QTRT2: variants seen among roughly 807,000 people sequenced by gnomAD.
QTRT2 encodes queuine tRNA-ribosyltransferase domain containing 1.
QTRT2 carries 32 observed loss-of-function variants against 44.8 expected under a neutral mutation model. The ratio of observed to expected loss-of-function variants is 0.71; its 90% CI spans 0.54 to 0.96. The LOEUF is 0.96. Ranked by LOEUF, QTRT2 falls within the 40% of genes least tolerant of loss-of-function variation. The probability of loss-of-function intolerance (pLI) is 0.00; values close to 1 mark genes in which losing one functional copy is unlikely to be tolerated. For synonymous variants in QTRT2, 182 were observed against 187.4 expected, an observed-to-expected ratio of 0.97 and a Z score of 0.24; for missense variants, 461 against 503.1, an observed-to-expected ratio of 0.92 and a Z score of 0.80.
intron 6 of QTRT2, 123 bp downstream of exon 6, chr3:114,070,961 C>T: frequency 2.8e-6 from 2 of 707,208 alleles, no homozygotes; most frequent in East Asian, 2.7e-5. Flanking sequence ...CTATTTTACT[C>T]TCTATTTTTA....
At chr3:114,071,376 G>A (rs1045192890) in intron 6 of QTRT2, among the ~76,000 whole-genome samples, 2 of 152,110 alleles carry the variant, frequency 1.3e-5, no homozygotes, top group Non-Finnish European at 2.9e-5. Context: ...TCAGCTCGCT[G>A]TAACCTCTGC....
At chr3:114,076,251 T>C (rs2077088857) in intron 6 of QTRT2, among the ~76,000 whole-genome samples, 1 of 152,124 alleles carries the variant, frequency 6.6e-6, no homozygotes, top group Admixed American at 6.5e-5. Flanking sequence ...ACTGCAACCT[T>C]CGCCTCCCGG....
At chr3:114,079,772 A>C (rs1398648804) in intron 7 of QTRT2, 134 bp from the exon 8 acceptor site, 2 of 769,524 alleles carry the variant, frequency 2.6e-6, no homozygotes, top group Non-Finnish European at 4.2e-6. Flanking sequence ...GTTGCTGTCC[A>C]CTGCCTGCCA....
intron 6 of QTRT2, 76 bp downstream of exon 6, chr3:114,070,914 G>A: frequency 8.8e-7 from 1 of 1,141,716 alleles, no homozygotes; most frequent in Non-Finnish European, 1.3e-6. Context: ...CACCTTTTCT[G>A]TTCTTCCTCC....
rs562982730 is a variant in QTRT2 at position 114,074,980 on chromosome 3, T to C, written c.547-1763T>C. Among the ~76,000 whole-genome samples the C allele has an allele frequency of 8.5e-5, 13 of 152,362 alleles. No individual in the cohort carries two copies. The South Asian group carries it at 2.5e-3, about 29-fold the overall frequency. ...TCTATGGATAAACATTTAGGTTGTT[T>C]CCAGTTTTTCATTATTCTAAACATC... is the stretch of plus-strand genomic sequence containing the variant. On this transcript the variant is annotated intron_variant, in intron 6 of 9. Coordinates refer to ENST00000281273, the MANE Select transcript of QTRT2 (RefSeq NM_024638.4).
At chr3:114,075,504 ATTTT>A (rs34436490) in intron 6 of QTRT2, among the ~76,000 whole-genome samples, 3 of 118,754 alleles carry the variant, frequency 2.5e-5, no homozygotes, top group Admixed American at 8.4e-5. Flanking sequence ...AGTTTTACTG[ATTTT>A]TTTTTTTTTT....
At chr3:114,083,671 A>G (rs2077197584) in intron 9 of QTRT2, among the ~76,000 whole-genome samples, 1 of 152,108 alleles carries the variant, frequency 6.6e-6, no homozygotes, top group African/African-American at 2.4e-5. Context: ...ATGTCTATCT[A>G]GTGATAGTAC....
intron 4 of QTRT2, among the ~76,000 whole-genome samples, chr3:114,067,400 C>T (rs1291893601): frequency 6.6e-6 from 1 of 152,036 alleles, no homozygotes; most frequent in African/African-American, 2.4e-5. Context: ...TATTTAGGCA[C>T]ATGGTTTACT....
Position 114,076,834 on chromosome 3 carries a change from C to A in QTRT2, c.638C>A (p.Pro213His). The change falls in exon 7 of 10, where the codon CCT becomes CAT. Residue 213 changes from proline (P) to histidine (H), a missense_variant. Physicochemically the swap from Pro to His is moderately conservative, Grantham distance 77 (BLOSUM62 -2). Transcript: ENST00000281273. ...LRSARETAKR[P>H]VGGFLLDGFQ... ...TCAGCACGAGAGACAGCCAAGCGGC[C>A]TGTGGGTGGCTTCCTTCTGGATGGT... The A allele has an allele frequency of 1.2e-6, 2 of 1,614,168 alleles. No individual in the cohort carries two copies. Among genetic ancestry groups the A allele is most frequent in the Non-Finnish European group, 1.7e-6 (2 of 1,180,020 alleles).
chr3:114,061,159 C>G (rs955367192), intron 2 of QTRT2, among the ~76,000 whole-genome samples: 2 of 152,032 alleles, frequency 1.3e-5, no homozygotes. Context: ...CTTTTAGTTG[C>G]CTTTATGTAC....
In QTRT2 at chr3:114,076,945, C is replaced by G; in HGVS notation, c.746+3C>G. 6.2e-7 allele frequency: 1 copy of G among 1,613,794 alleles called. No homozygotes were observed. The highest frequency in any genetic ancestry group is 8.5e-7 in the Non-Finnish European group (1 of 1,179,862). ...GAGCTGCCGGAGGACAAGCCAAGGCCAGTGTTCGGTTAGGACACAGGCTGG... is the reference window on the plus strand; with the variant it reads ...GAGCTGCCGGAGGACAAGCCAAGGCGAGTGTTCGGTTAGGACACAGGCTGG... On this transcript the variant is annotated splice_donor_region_variant and intron_variant, in intron 7 of 9. Transcript: ENST00000281273.
chr3:114,058,863 T>C (rs1176007564), intron 2 of QTRT2, among the ~76,000 whole-genome samples: 1 of 152,198 alleles, frequency 6.6e-6, no homozygotes, highest in East Asian at 1.9e-4. Flanking sequence ...CATTTCTGAG[T>C]CAGCTCAATG....
At position 114,087,707 on chromosome 3, in the gene QTRT2, T is replaced by A. The variant is rs143589485; in HGVS notation, c.*1803T>A. Reference sequence around the variant, plus strand: ...CAGGAAGCATGGTACTGGCATCTGCTTGGTTTCTGGGGAGGCCTCCGGAAG... The same window carrying A: ...CAGGAAGCATGGTACTGGCATCTGCATGGTTTCTGGGGAGGCCTCCGGAAG... On this transcript the variant is annotated 3_prime_UTR_variant, in exon 10 of 10. Coordinates refer to ENST00000281273, the MANE Select transcript of QTRT2 (RefSeq NM_024638.4). The A allele has an allele frequency of 6.6e-6, 1 of 152,370 alleles. No homozygotes were observed. The highest frequency in any genetic ancestry group is 1.5e-5 in the Non-Finnish European group (1 of 68,202). 9.4% of individuals were successfully genotyped at this position (152,370 alleles called of 1,614,324 possible).
chr3:114,085,676 C>T lies in QTRT2; in HGVS notation c.1020C>T (p.Tyr340=), dbSNP rs1463366917. ...SFEINLKEKK[Y]QEDFNPLVRG... ...GTCACTGTGACTTCTTTCTTAGGTA[C>T]CAGGAGGACTTTAACCCGCTGGTGA... Residue 340 remains tyrosine (Y), a synonymous_variant, in exon 10 of 10, where the codon TAC becomes TAT. Transcript: ENST00000281273. The T allele has an allele frequency of 1.2e-6, 2 of 1,613,346 alleles. No individual in the cohort carries two copies. The highest frequency in any genetic ancestry group is 1.7e-6 in the Non-Finnish European group (2 of 1,179,266).
At position 114,056,741 on chromosome 3, in the gene QTRT2, C is replaced by A. The variant is rs2076794198; in HGVS notation, c.-253C>A. On this transcript the variant is annotated 5_prime_UTR_variant, in exon 1 of 10. Coordinates refer to ENST00000281273, the MANE Select transcript of QTRT2 (RefSeq NM_024638.4). ...TCTGGCGCCCAGTGATGACGCAGTA[C>A]TCCCTGATTGGCTCTGCACTGGAGG... The A allele has an allele frequency of 1.4e-6, 2 of 1,397,584 alleles. No homozygotes were observed. The highest frequency in any genetic ancestry group is 2.2e-5 in the Admixed American group (1 of 45,348). 86.6% of individuals were successfully genotyped at this position (1,397,584 alleles called of 1,614,324 possible). A position where few individuals can be genotyped will look rare whatever the true frequency, so the allele number is the denominator to read the frequency against.
At chr3:114,059,235 C>G (rs749393220) in intron 2 of QTRT2, among the ~76,000 whole-genome samples, 2 of 152,190 alleles carry the variant, frequency 1.3e-5, no homozygotes, top group Non-Finnish European at 2.9e-5. Flanking sequence ...TGTCTTTACA[C>G]TCTTAAGGGT....
chr3:114,080,184 C>A, intron 8 of QTRT2, 127 bp downstream of exon 8: 1 of 707,594 alleles, frequency 1.4e-6, no homozygotes, highest in Non-Finnish European at 2.3e-6. Context: ...ATCTCTGTTT[C>A]TTATCTGTGT....
At chr3:114,075,579 A>G (rs57074365) in intron 6 of QTRT2, among the ~76,000 whole-genome samples, 16,763 of 139,010 alleles carry the variant, frequency 0.12, 1,657 homozygotes, top group African/African-American at 0.28. Flanking sequence ...CGCAATCTCC[A>G]CTCAGCGCAG....
At chr3:114,083,644 T>C (rs2077197167) in intron 9 of QTRT2, among the ~76,000 whole-genome samples, 1 of 152,208 alleles carries the variant, frequency 6.6e-6, no homozygotes, top group African/African-American at 2.4e-5. Context: ...GAAGATCCTA[T>C]GGCTTGTGAC....
Sources: gnomAD v4.1 joint callset for allele counts (sites outside exome capture counted in the v4.1 genomes callset) on GRCh38, gnomAD v4.1.1 for gene constraint, MANE v1.5 for transcripts, NCBI Gene and HGNC (gene_info 2026-07-23, HGNC 2026-07-21) for gene names.